Variants in NTRK3 observed in about 807,000 individuals in gnomAD.
NTRK3 encodes neurotrophic receptor tyrosine kinase 3.
Under a neutral mutation model 91.7 loss-of-function variants are expected in NTRK3, and 24 were observed. That is an observed-to-expected ratio of 0.26 (90% CI 0.19 to 0.37). NTRK3 has a LOEUF of 0.37. Ranked by LOEUF, NTRK3 falls within the 10% of genes least tolerant of loss-of-function variation. NTRK3 has a pLI of 1.00. For synonymous variants in NTRK3, 483 were observed against 404.0 expected (o/e 1.20, Z -2.34); for missense variants, 880 against 1,068.9 (o/e 0.82, Z 2.46).
intron 17 of NTRK3, chr15:87,927,352 C>G (rs1009325606): frequency 6.6e-6 from 1 of 152,228 alleles, no homozygotes; most frequent in Non-Finnish European, 1.5e-5. Context: ...CTTGACTGAT[C>G]TGTTTTAACG....
chr15:88,156,166 G>A (rs545271900), intron 5 of NTRK3, among the ~76,000 whole-genome samples: 1 of 152,322 alleles, frequency 6.6e-6, no homozygotes, highest in African/African-American at 2.4e-5. Context: ...TTATGAGAAG[G>A]AAATCACTCC....
chr15:88,181,058 C>T (rs185192421), intron 5 of NTRK3, among the ~76,000 whole-genome samples: 1 of 152,238 alleles, frequency 6.6e-6, no homozygotes, highest in Non-Finnish European at 1.5e-5. Flanking sequence ...CTTTCTTGAA[C>T]TAGGTTGAGC....
intron 3 of NTRK3, among the ~76,000 whole-genome samples, chr15:88,253,773 C>G (rs1037704616): frequency 1.3e-5 from 2 of 152,162 alleles, no homozygotes; most frequent in Non-Finnish European, 2.9e-5. Context: ...CACAGAGGGG[C>G]TCCAGATCCA....
At chr15:88,247,859 T>A (rs1264493364) in intron 3 of NTRK3, among the ~76,000 whole-genome samples, 1 of 149,326 alleles carries the variant, frequency 6.7e-6, no homozygotes, top group Non-Finnish European at 1.5e-5. Context: ...CGGGGTAAGG[T>A]CGCGGGGGGA....
Position 88,231,659 on chromosome 15 carries a change from C to T in NTRK3, c.248+24247G>A, listed in dbSNP as rs184580316. ...ACCAGTGTAAGAGAGGTGCTGAACCCGCTGTACCCTAGCTGATCTCACTCC... is the reference window on the plus strand; with the variant it reads ...ACCAGTGTAAGAGAGGTGCTGAACCTGCTGTACCCTAGCTGATCTCACTCC... On this transcript the variant is annotated intron_variant, in intron 3 of 18. Coordinates refer to ENST00000394480, the Ensembl canonical transcript of NTRK3. 9.9e-4 allele frequency among the ~76,000 whole-genome samples: 151 copies of T among 152,288 alleles called. 1 individual carries two copies. Among genetic ancestry groups the T allele is most frequent in the African/African-American group, 3.4e-3 (140 of 41,548 alleles).
chr15:87,899,514 T>C (rs1488159197), intron 17 of NTRK3, among the ~76,000 whole-genome samples: 1 of 151,948 alleles, frequency 6.6e-6, no homozygotes, highest in Non-Finnish European at 1.5e-5. Context: ...CTAGAGGTAA[T>C]ATCTACTACT....
intron 7 of NTRK3, 21 bp from the exon 8 acceptor site, chr15:88,136,630 G>A (rs2151213104): frequency 6.2e-7 from 1 of 1,609,540 alleles, no homozygotes; most frequent in Non-Finnish European, 8.5e-7. Flanking sequence ...GACAAAGTGG[G>A]TGAAAAGACA....
intron 14 of NTRK3, among the ~76,000 whole-genome samples, chr15:87,967,331 G>A (rs946369284): frequency 6.6e-6 from 1 of 152,038 alleles, no homozygotes; most frequent in Non-Finnish European, 1.5e-5. Flanking sequence ...TGGTGTGCTG[G>A]GTGCTATACA....
intron 13 of NTRK3, among the ~76,000 whole-genome samples, chr15:88,038,428 T>C (rs1195576847): frequency 6.6e-6 from 1 of 152,196 alleles, no homozygotes; most frequent in African/African-American, 2.4e-5. Context: ...AACTGGCCCC[T>C]GCCTGCTTGT....
intron 5 of NTRK3, among the ~76,000 whole-genome samples, chr15:88,180,761 G>C (rs1242697613): frequency 6.6e-6 from 1 of 150,966 alleles, no homozygotes; most frequent in Non-Finnish European, 1.5e-5. Context: ...TGATTGCTCA[G>C]CTGGGGCCAG....
intron 14 of NTRK3, among the ~76,000 whole-genome samples, chr15:87,971,339 C>T (rs182686336): frequency 6.6e-6 from 1 of 152,270 alleles, no homozygotes; most frequent in African/African-American, 2.4e-5. Flanking sequence ...CTGGCTGTGC[C>T]CTCCTGGCCA....
intron 3 of NTRK3, among the ~76,000 whole-genome samples, chr15:88,252,330 G>A (rs545550712): frequency 3.9e-4 from 60 of 152,168 alleles, no homozygotes; most frequent in African/African-American, 1.3e-3. Flanking sequence ...CCAACATGAC[G>A]GCCAAAGCCC....
At chr15:87,901,424 G>A (rs540794605) in intron 17 of NTRK3, among the ~76,000 whole-genome samples, 1 of 152,294 alleles carries the variant, frequency 6.6e-6, no homozygotes, top group South Asian at 2.1e-4. Context: ...TCACCTAGTG[G>A]GTCCCCAAAA....
intron 13 of NTRK3, among the ~76,000 whole-genome samples, chr15:88,061,509 T>TA (rs1396849774): frequency 6.6e-6 from 1 of 152,126 alleles, no homozygotes; most frequent in Non-Finnish European, 1.5e-5. Context: ...AGGCTGATAA[T>TA]ACAGAGAAGC....
intron 16 of NTRK3, chr15:87,931,113 T>G: frequency 4.6e-6 from 2 of 433,568 alleles, no homozygotes; most frequent in Non-Finnish European, 9.1e-6. Flanking sequence ...TACTCTAGGC[T>G]CTCACTCTTT....
At chr15:87,940,482 T>C (rs572127889) in intron 15 of NTRK3, 141 bp downstream of exon 15, 16 of 1,368,010 alleles carry the variant, frequency 1.2e-5, no homozygotes, top group African/African-American at 7.1e-5. Context: ...GGAAACTTCA[T>C]TGACCTCGGA....
At chr15:88,248,516 TTGTGTG>T (rs4034650) in intron 3 of NTRK3, among the ~76,000 whole-genome samples, 7 of 150,584 alleles carry the variant, frequency 4.6e-5, no homozygotes, top group African/African-American at 1.2e-4. Flanking sequence ...AGTAATATAT[TTGTGTG>T]TGTGTGTGTG....
intron 6 of NTRK3, among the ~76,000 whole-genome samples, chr15:88,140,694 G>A (rs1054286479): frequency 2.0e-5 from 3 of 152,184 alleles, no homozygotes; most frequent in African/African-American, 7.2e-5. Flanking sequence ...AAAACTCCAC[G>A]GTATGCTCAT....
chr15:87,881,428 T>TATTG (rs1175654369), intron 17 of NTRK3, among the ~76,000 whole-genome samples: 1 of 149,534 alleles, frequency 6.7e-6, no homozygotes, highest in East Asian at 1.9e-4. Flanking sequence ...TTTATTTATT[T>TATTG]ATTTATTTTG....
Sources: allele counts gnomAD v4.1 joint callset (sites outside exome capture counted in the v4.1 genomes callset), GRCh38; gene constraint gnomAD v4.1.1; transcripts MANE v1.5; gene names NCBI Gene and HGNC (gene_info 2026-07-23, HGNC 2026-07-21).